EMILIN2: variants seen among roughly 807,000 people sequenced by gnomAD.
EMILIN2 encodes elastin microfibril interfacer 2.
In EMILIN2, 71 loss-of-function variants were observed where a neutral mutation model predicts 87.1. The observed-to-expected ratio is 0.82, with a 90% CI of 0.67 to 0.99. EMILIN2 has a LOEUF of 0.99. EMILIN2 is among the 50% of genes least tolerant of loss of function. The pLI, the probability that EMILIN2 is intolerant of heterozygous loss-of-function variation, is 0.00. For synonymous variants in EMILIN2, 581 were observed against 563.4 expected (o/e 1.03, Z -0.44); for missense variants, 1,407 against 1,371.8 (o/e 1.03, Z -0.40).
intron 3 of EMILIN2, among the ~76,000 whole-genome samples, chr18:2,889,692 C>CTTTTCT (rs2076823812): frequency 1.0e-5 from 1 of 96,666 alleles, no homozygotes; most frequent in Non-Finnish European, 2.0e-5. Context: ...TTTTTCTTTT[C>CTTTTCT]TTTTTTTTTT....
chr18:2,875,741 A>T (rs1013152534), intron 2 of EMILIN2, among the ~76,000 whole-genome samples: 1 of 152,250 alleles, frequency 6.6e-6, no homozygotes, highest in Non-Finnish European at 1.5e-5. Context: ...GAGTTTGCTC[A>T]GAAGGAAGGT....
Position 2,913,308 on chromosome 18 carries a change from C to G in EMILIN2, c.3066C>G (p.Val1022=), listed in dbSNP as rs372387658. Residue 1022 remains valine, a synonymous_variant, in exon 8 of 8, where the codon GTC becomes GTG. Transcript: ENST00000254528. ...TGAAGGCGGGAGATGCAGTCAACGT[C>G]GTGGTGACTGGGGGCAAGCTGGCTC... ...VHLKAGDAVN[V]VVTGGKLAHT... 56 of 1,613,064 alleles carry G rather than the reference C, an allele frequency of 3.5e-5. No individual in the cohort carries two copies. The African/African-American group carries it at 7.1e-4, about 20-fold the overall frequency.
In EMILIN2 at chr18:2,848,102, G is replaced by A. The variant is rs907637731; in HGVS notation, c.257+171G>A. 5.3e-5 allele frequency among the ~76,000 whole-genome samples: 8 copies of A among 152,222 alleles called. No homozygotes were observed. The highest frequency in any genetic ancestry group is 8.8e-5 in the Non-Finnish European group (6 of 68,038). On this transcript the variant is annotated intron_variant, in intron 2 of 7. Coordinates refer to ENST00000254528, the MANE Select transcript of EMILIN2 (RefSeq NM_032048.3). The surrounding 1 kb of genome is among the most constrained non-coding windows in gnomAD (Gnocchi z 4.1). Reference sequence around the variant, plus strand: ...GCTCGCGGGGCACCGGCCACGCTGGGCTATTTAGGGAGTGGGTGCTGCCCG... The same window carrying A: ...GCTCGCGGGGCACCGGCCACGCTGGACTATTTAGGGAGTGGGTGCTGCCCG...
chr18:2,898,102 C>T (rs977085731), intron 4 of EMILIN2, among the ~76,000 whole-genome samples: 2 of 152,226 alleles, frequency 1.3e-5, no homozygotes, highest in Admixed American at 6.5e-5. Flanking sequence ...CCTTCACACT[C>T]TCTCAGCAGG....
Position 2,911,180 on chromosome 18 carries a change from C to T in EMILIN2, c.2824+1361C>T, listed in dbSNP as rs77371480. 6.4e-3 allele frequency among the ~76,000 whole-genome samples: 969 copies of T among 152,358 alleles called. 8 individuals carry two copies. Among genetic ancestry groups the T allele is most frequent in the African/African-American group, 0.022 (911 of 41,582 alleles). On this transcript the variant is annotated intron_variant, in intron 7 of 7. Transcript: ENST00000254528. Reference sequence around the variant, plus strand: ...CTTGAGAGATTCAAGTGCGGTCTGACAGGTGACTTGGGGTCTTATACATTG... The same window carrying T: ...CTTGAGAGATTCAAGTGCGGTCTGATAGGTGACTTGGGGTCTTATACATTG...
intron 2 of EMILIN2, among the ~76,000 whole-genome samples, chr18:2,872,011 C>T (rs560423769): frequency 1.3e-5 from 2 of 152,214 alleles, no homozygotes; most frequent in African/African-American, 2.4e-5. Flanking sequence ...AGGATTAGAG[C>T]AGGGTTGGGT....
At chr18:2,870,936 C>T (rs1349609139) in intron 2 of EMILIN2, among the ~76,000 whole-genome samples, 1 of 152,206 alleles carries the variant, frequency 6.6e-6, no homozygotes, top group African/African-American at 2.4e-5. Flanking sequence ...CCAAATTCCC[C>T]CACCACCCTT....
intron 3 of EMILIN2, among the ~76,000 whole-genome samples, chr18:2,885,724 G>A (rs1019952013): frequency 6.6e-6 from 1 of 152,052 alleles, no homozygotes; most frequent in African/African-American, 2.4e-5. Context: ...CACCATGTTG[G>A]CCAGGCTGGT....
At chr18:2,868,669 G>C (rs575831616) in intron 2 of EMILIN2, among the ~76,000 whole-genome samples, 2 of 152,252 alleles carry the variant, frequency 1.3e-5, no homozygotes, top group Non-Finnish European at 2.9e-5. Flanking sequence ...GGGGGCGCGC[G>C]CCTGCAATCG....
chr18:2,872,090 A>G (rs2076722628), intron 2 of EMILIN2, among the ~76,000 whole-genome samples: 1 of 152,108 alleles, frequency 6.6e-6, no homozygotes, highest in African/African-American at 2.4e-5. Flanking sequence ...GATGATAGAG[A>G]TAAGTTTATT....
At chr18:2,846,840 C>T, upstream of EMILIN2, 1 of 985,408 alleles carries the variant, frequency 1.0e-6, no homozygotes, top group Non-Finnish European at 1.2e-6. The surrounding 1 kb of genome is among the most constrained non-coding windows in gnomAD (Gnocchi z 5.3). Flanking sequence ...CCCTTTCGCC[C>T]CTCCACCCCG....
In EMILIN2 at chr18:2,906,800, C is replaced by T. The variant is rs1598505995; in HGVS notation, c.2377C>T (p.Pro793Ser). The T allele has an allele frequency of 1.5e-6, 2 of 1,292,826 alleles. No homozygotes were observed. Among genetic ancestry groups the T allele is most frequent in the African/African-American group, 1.6e-5 (1 of 64,434 alleles). The allele number at this position is 1,292,826 out of a possible 1,614,324, so 80.1% of individuals were successfully genotyped here. Residue 793 changes from proline to serine, a missense_variant, in exon 5 of 8, where the codon CCG becomes TCG. By Grantham distance (74) the Pro-to-Ser change is moderately conservative (BLOSUM62 -1). Coordinates refer to ENST00000254528, the MANE Select transcript of EMILIN2 (RefSeq NM_032048.3). ...QPSAKAPSPP[P>S]PAEAPKEPLQ... ...CCCGGCAGAGGCGCCCTCGCCCCCG[C>T]CGCCCGCAGAGGCCCCGAAGGAGCC...
chr18:2,865,274 T>C (rs956270752), intron 2 of EMILIN2, among the ~76,000 whole-genome samples: 1 of 152,232 alleles, frequency 6.6e-6, no homozygotes, highest in South Asian at 2.1e-4. Context: ...CTGTGTTCCT[T>C]TGGAGGAGGA....
chr18:2,902,081 T>C (rs2076890380), intron 4 of EMILIN2, among the ~76,000 whole-genome samples: 1 of 152,198 alleles, frequency 6.6e-6, no homozygotes, highest in African/African-American at 2.4e-5. Flanking sequence ...GTAATGGATA[T>C]ATTAAAATGG....
rs1039388583 is a variant in EMILIN2, at chr18:2,868,679, G to A, written c.258-16285G>A. On this transcript the variant is annotated intron_variant, in intron 2 of 7. Coordinates refer to ENST00000254528, the MANE Select transcript of EMILIN2 (RefSeq NM_032048.3). ...GGCGTGGGGGCGCGCGCCTGCAATC[G>A]CAGGCACTCGGCAGGCTGAGGCAGG... Among the ~76,000 whole-genome samples, 10 of 152,246 alleles carry A rather than the reference G, an allele frequency of 6.6e-5. No homozygotes were observed. In the East Asian group the frequency reaches 9.6e-4, roughly 15 times the overall value.
intron 4 of EMILIN2, among the ~76,000 whole-genome samples, chr18:2,904,822 A>C (rs1049724825): frequency 6.6e-6 from 1 of 152,190 alleles, no homozygotes; most frequent in Non-Finnish European, 1.5e-5. Context: ...GGGAGACACT[A>C]GATAGAGTTT....
Position 2,850,797 on chromosome 18 carries a change from G to A in EMILIN2, c.257+2866G>A, listed in dbSNP as rs556433852. ...TGAGGCCTTGACATGGTTGAGCAGA[G>A]CTGAGTTCTTAGGGACAGTGGAGGG... On this transcript the variant is annotated intron_variant, in intron 2 of 7. Transcript: ENST00000254528. 1.2e-4 allele frequency among the ~76,000 whole-genome samples: 18 copies of A among 152,208 alleles called. No homozygotes were observed. The East Asian group carries it at 3.3e-3, about 28-fold the overall frequency.
At chr18:2,851,578 C>T (rs1458665027) in intron 2 of EMILIN2, among the ~76,000 whole-genome samples, 7 of 152,136 alleles carry the variant, frequency 4.6e-5, no homozygotes, top group Non-Finnish European at 5.9e-5. Context: ...AGGGCTTCTG[C>T]GCCCAGCCAT....
At chr18:2,855,882 C>T (rs921561474) in intron 2 of EMILIN2, among the ~76,000 whole-genome samples, 3 of 152,152 alleles carry the variant, frequency 2.0e-5, no homozygotes, top group African/African-American at 2.4e-5. Context: ...CCAGCAGGCA[C>T]GTCTGGTGAA....
Sources: allele counts gnomAD v4.1 joint callset (sites outside exome capture counted in the v4.1 genomes callset), GRCh38; gene constraint gnomAD v4.1.1; non-coding constraint Gnocchi (gnomAD v3.1); transcripts MANE v1.5; gene names NCBI Gene and HGNC (gene_info 2026-07-23, HGNC 2026-07-21).